GFOD1: variants seen among roughly 807,000 people sequenced by gnomAD.
GFOD1 encodes Gfo/Idh/MocA-like oxidoreductase domain containing 1, also known as glucose-fructose oxidoreductase domain-containing protein 1.
GFOD1 carries 9 observed loss-of-function variants against 25.4 expected under a neutral mutation model. That is an observed-to-expected ratio of 0.35 (90% CI 0.21 to 0.62). The LOEUF is 0.62. GFOD1 is among the 20% of genes least tolerant of loss of function. The pLI, the probability that GFOD1 is intolerant of heterozygous loss-of-function variation, is 0.72. For synonymous variants in GFOD1, 253 were observed against 245.6 expected (o/e 1.03, Z -0.28); for missense variants, 403 against 556.9 (o/e 0.72, Z 2.78).
intron 1 of GFOD1, among the ~76,000 whole-genome samples, chr6:13,410,894 CCTCAGCACAGAAGGGCCCCATAATTA>C (rs1786066295): frequency 6.6e-6 from 1 of 152,166 alleles, no homozygotes; most frequent in Non-Finnish European, 1.5e-5. Flanking sequence ...TCACCCTCTG[CCTCAGCACAGAAGGGCCCCATAATTA>C]CTCACACAGC....
chr6:13,479,551 G>A (rs1758703043), intron 1 of GFOD1, among the ~76,000 whole-genome samples: 1 of 152,148 alleles, frequency 6.6e-6, no homozygotes, highest in Admixed American at 6.5e-5. Context: ...CATTCTTGGT[G>A]AAACCCTTAA....
At chr6:13,438,182 G>A (rs560597694) in intron 1 of GFOD1, among the ~76,000 whole-genome samples, 4 of 152,316 alleles carry the variant, frequency 2.6e-5, no homozygotes, top group Admixed American at 2.6e-4. Context: ...ATTCCAAAGT[G>A]AGATTTTGAA....
intron 1 of GFOD1, among the ~76,000 whole-genome samples, chr6:13,452,583 T>A (rs1043099900): frequency 2.0e-5 from 3 of 152,184 alleles, no homozygotes; most frequent in South Asian, 4.1e-4. Context: ...CAGCAACATA[T>A]AAATTTTGCA....
At position 13,361,158 on chromosome 6, in the gene GFOD1, GGTAT is replaced by G. The variant is rs1784940660; in HGVS notation, c.*3581_*3584del. On this transcript the variant is annotated 3_prime_UTR_variant, in exon 2 of 2. Transcript: ENST00000379287. ...AGAGTCCAGATATAACTGGCACAGT[GGTAT>G]TTGCTGCCATGTAGGCTAAGGGGGG... The G allele has an allele frequency of 3.2e-6, 1 of 309,882 alleles. No homozygotes were observed. The highest frequency in any genetic ancestry group is 6.4e-6 in the Non-Finnish European group (1 of 157,158). 19.2% of individuals were successfully genotyped at this position (309,882 alleles called of 1,614,324 possible). A position where few individuals can be genotyped will look rare whatever the true frequency, so the allele number is the denominator to read the frequency against.
intron 1 of GFOD1, among the ~76,000 whole-genome samples, chr6:13,410,495 A>AG (rs972552063): frequency 5.9e-5 from 9 of 151,392 alleles, no homozygotes; most frequent in Admixed American, 5.9e-4. Context: ...TGAACCCAGG[A>AG]GGCAGAGGTT....
Position 13,484,906 on chromosome 6 carries a change from C to T in GFOD1, c.253+1732G>A, listed in dbSNP as rs190107369. ...TTTCAGATATGACCAGTCCTAAGCT[C>T]TCCAGTATACGCAGGGCTCATCAGG... On this transcript the variant is annotated intron_variant, in intron 1 of 1. Transcript: ENST00000379287. Among the ~76,000 whole-genome samples the T allele has an allele frequency of 3.0e-4, 46 of 152,298 alleles. 1 individual carries two copies. The highest frequency in any genetic ancestry group is 2.5e-3 in the East Asian group (13 of 5,196).
intron 1 of GFOD1, among the ~76,000 whole-genome samples, chr6:13,431,370 C>T (rs549654916): frequency 6.6e-6 from 1 of 152,298 alleles, no homozygotes; most frequent in Admixed American, 6.5e-5. Flanking sequence ...CCATCCTGGA[C>T]CTCCTATTCT....
Position 13,464,089 on chromosome 6 carries a change from G to T in GFOD1, c.253+22549C>A, listed in dbSNP as rs1758339472. On this transcript the variant is annotated intron_variant, in intron 1 of 1. Coordinates refer to ENST00000379287, the MANE Select transcript of GFOD1 (RefSeq NM_018988.4). ...ACTCTGCTGGCCTGCAGATGTTTGG[G>T]TGATTTACCCCCACTCATTTTCCCC... is the stretch of plus-strand genomic sequence containing the variant. Among the ~76,000 whole-genome samples, 4 of 152,166 alleles carry T rather than the reference G, an allele frequency of 2.6e-5. No individual in the cohort carries two copies. In the South Asian group the frequency reaches 8.3e-4, roughly 31 times the overall value.
At chr6:13,450,647 G>A (rs1283923984) in intron 1 of GFOD1, among the ~76,000 whole-genome samples, 3 of 152,060 alleles carry the variant, frequency 2.0e-5, no homozygotes, top group Admixed American at 6.5e-5. Flanking sequence ...AGGGAAGTTC[G>A]GTAGAAACTC....
chr6:13,436,648 T>A (rs1341109414), intron 1 of GFOD1, among the ~76,000 whole-genome samples: 1 of 152,238 alleles, frequency 6.6e-6, no homozygotes, highest in East Asian at 1.9e-4. Context: ...AATGCTGCAA[T>A]AAATAGTTGT....
intron 1 of GFOD1, among the ~76,000 whole-genome samples, chr6:13,475,172 T>C (rs370837890): frequency 6.6e-6 from 1 of 151,962 alleles, no homozygotes; most frequent in Non-Finnish European, 1.5e-5. Flanking sequence ...TGTGACTGTC[T>C]AATAAACACA....
In GFOD1 at chr6:13,376,444, G is replaced by A. The variant is rs16874102; in HGVS notation, c.254-10782C>T. 9.9e-3 allele frequency among the ~76,000 whole-genome samples: 1,509 copies of A among 152,228 alleles called. 31 individuals are homozygous for A. Among genetic ancestry groups the A allele is most frequent in the African/African-American group, 0.035 (1,436 of 41,518 alleles). ...ACACCACCACTCCACGCTTGGACAA[G>A]CCAGGATTCACAGTGCACCCCCTGG... On this transcript the variant is annotated intron_variant, in intron 1 of 1. Coordinates refer to ENST00000379287, the MANE Select transcript of GFOD1 (RefSeq NM_018988.4).
intron 1 of GFOD1, among the ~76,000 whole-genome samples, chr6:13,377,988 G>A (rs2127557835): frequency 6.6e-6 from 1 of 152,258 alleles, no homozygotes; most frequent in African/African-American, 2.4e-5. Flanking sequence ...AGTAGCAACA[G>A]AAACAGGTGC....
At chr6:13,431,956 A>C (rs1757756169) in intron 1 of GFOD1, among the ~76,000 whole-genome samples, 1 of 152,180 alleles carries the variant, frequency 6.6e-6, no homozygotes, top group African/African-American at 2.4e-5. Context: ...TCGGTATTCA[A>C]AATCACTAAG....
At chr6:13,475,255 T>A (rs1046652059) in intron 1 of GFOD1, among the ~76,000 whole-genome samples, 1 of 152,194 alleles carries the variant, frequency 6.6e-6, no homozygotes, top group Non-Finnish European at 1.5e-5. Flanking sequence ...TACTTCTACA[T>A]ACCAACTATA....
intron 1 of GFOD1, chr6:13,469,610 T>G: frequency 9.0e-7 from 1 of 1,108,818 alleles, no homozygotes; most frequent in South Asian, 2.4e-5. Context: ...TTCTTAGCCA[T>G]GTACACTTGC....
chr6:13,414,145 A>T (rs1474853526), intron 1 of GFOD1, among the ~76,000 whole-genome samples: 1 of 152,266 alleles, frequency 6.6e-6, no homozygotes, highest in Non-Finnish European at 1.5e-5. Flanking sequence ...CAGCCAGGCT[A>T]ACTGGCATTA....
intron 1 of GFOD1, chr6:13,485,912 C>A (rs1584680595): frequency 3.7e-6 from 2 of 533,444 alleles, no homozygotes; most frequent in Non-Finnish European, 4.8e-6. Context: ...AAAGTTAAAA[C>A]CCCCTGGTTT....
chr6:13,397,924 G>A (rs1444208226), intron 1 of GFOD1, among the ~76,000 whole-genome samples: 1 of 152,134 alleles, frequency 6.6e-6, no homozygotes, highest in Non-Finnish European at 1.5e-5. Flanking sequence ...TTCCGACTAT[G>A]GGCCACATCC....
Sources: allele counts gnomAD v4.1 joint callset (sites outside exome capture counted in the v4.1 genomes callset), GRCh38; gene constraint gnomAD v4.1.1; transcripts MANE v1.5; gene names NCBI Gene and HGNC (gene_info 2026-07-23, HGNC 2026-07-21).